Variants in RILPL1 observed in about 807,000 individuals in gnomAD.
The protein encoded by RILPL1 is RILP-like protein 1.
RILPL1 carries 33 observed loss-of-function variants against 50.3 expected under a neutral mutation model. The ratio of observed to expected loss-of-function variants is 0.66; its 90% CI spans 0.50 to 0.88. RILPL1 has a LOEUF of 0.88. Among genes scored for constraint, RILPL1 ranks in the 40% least tolerant of loss-of-function variants. RILPL1 has a pLI of 0.00. For synonymous variants in RILPL1, 205 were observed against 228.6 expected, an observed-to-expected ratio of 0.90 and a Z score of 0.93; for missense variants, 418 against 542.5, an observed-to-expected ratio of 0.77 and a Z score of 2.28.
chr12:123,528,331 C>T (rs912521029), intron 1 of RILPL1, among the ~76,000 whole-genome samples: 1 of 147,210 alleles, frequency 6.8e-6, no homozygotes, highest in South Asian at 2.2e-4. Context: ...GGCACGCCAG[C>T]CTGGGCAACA....
At chr12:123,507,591 T>C (rs1229023783) in intron 2 of RILPL1, among the ~76,000 whole-genome samples, 3 of 148,868 alleles carry the variant, frequency 2.0e-5, no homozygotes, top group African/African-American at 7.4e-5. Flanking sequence ...TGTATGTGTG[T>C]ATGTATGGGG....
intron 6 of RILPL1, among the ~76,000 whole-genome samples, chr12:123,478,314 G>A (rs2139308385): frequency 6.6e-6 from 1 of 152,114 alleles, no homozygotes; most frequent in East Asian, 1.9e-4. Context: ...TCTGTGTCTT[G>A]CTGTGCTCAC....
intron 6 of RILPL1, chr12:123,472,999 G>C (rs906119734): frequency 3.8e-6 from 1 of 264,606 alleles, no homozygotes; most frequent in Non-Finnish European, 7.4e-6. Flanking sequence ...AAAAGCTGCT[G>C]AAACAAATCT....
chr12:123,492,881 C>T (rs536461214), intron 4 of RILPL1, among the ~76,000 whole-genome samples: 73 of 152,246 alleles, frequency 4.8e-4, no homozygotes, highest in African/African-American at 1.6e-3. Flanking sequence ...CAGCATGCTC[C>T]CAGAGACACA....
At chr12:123,474,839 C>T (rs937990731) in intron 6 of RILPL1, 1 of 152,218 alleles carries the variant, frequency 6.6e-6, no homozygotes, top group Non-Finnish European at 1.5e-5. Context: ...GCTAGTGTTG[C>T]AGCCTCCAGA....
chr12:123,523,980 C>T (rs528524777), intron 1 of RILPL1, among the ~76,000 whole-genome samples: 1 of 152,360 alleles, frequency 6.6e-6, no homozygotes, highest in East Asian at 1.9e-4. Context: ...CGTTCCTAAC[C>T]TCTGGGGGGC....
At chr12:123,475,640 C>T in intron 6 of RILPL1, 1 of 1,531,842 alleles carries the variant, frequency 6.5e-7, no homozygotes, top group Non-Finnish European at 8.9e-7. Flanking sequence ...TCAAACAAAA[C>T]CCAAAACACA....
At chr12:123,516,033 CAAAAAAAAAA>C (rs749657516) in intron 2 of RILPL1, among the ~76,000 whole-genome samples, 5 of 36,174 alleles carry the variant, frequency 1.4e-4, no homozygotes, top group Non-Finnish European at 2.1e-4. Context: ...GACTCTGTCT[CAAAAAAAAAA>C]AAAAAAAAAA....
At chr12:123,511,270 GGT>G (rs1428096497) in intron 2 of RILPL1, among the ~76,000 whole-genome samples, 1 of 108,890 alleles carries the variant, frequency 9.2e-6, no homozygotes, top group African/African-American at 5.2e-5. Context: ...GTGTGTGTGT[GGT>G]GTGTGCAGTG....
intron 2 of RILPL1, among the ~76,000 whole-genome samples, chr12:123,518,042 A>G (rs13303334): frequency 0.18 from 27,660 of 152,126 alleles, 2,668 homozygotes; most frequent in Middle Eastern, 0.24. Flanking sequence ...AGAGACAGTA[A>G]GTAGAATGGT....
intron 2 of RILPL1, chr12:123,513,474 G>A (rs983822107): frequency 4.0e-6 from 1 of 248,678 alleles, no homozygotes; most frequent in Non-Finnish European, 8.6e-6. Flanking sequence ...CACCTTCCTG[G>A]GCGGCAGCCG....
chr12:123,517,225 A>C (rs1298570537), intron 2 of RILPL1, among the ~76,000 whole-genome samples: 1 of 152,138 alleles, frequency 6.6e-6, no homozygotes, highest in Non-Finnish European at 1.5e-5. Flanking sequence ...GAGGCAAGGA[A>C]GGACTCCTGC....
At chr12:123,480,934 C>T (rs1246125518) in intron 6 of RILPL1, among the ~76,000 whole-genome samples, 1 of 152,060 alleles carries the variant, frequency 6.6e-6, no homozygotes, top group Non-Finnish European at 1.5e-5. Context: ...CAGACCCGGA[C>T]GATCAATGTG....
In RILPL1 at chr12:123,471,446, A is replaced by C. The variant is rs1307809460; in HGVS notation, c.*1092T>G. ...CCTGATAAACTTGAGTGCTGGTAGG[A>C]GGTGCTACCTCGCTCAATCTGTGAG... is the stretch of plus-strand genomic sequence containing the variant. On this transcript the variant is annotated 3_prime_UTR_variant, in exon 7 of 7. Transcript: ENST00000376874. 1 of 152,204 alleles carries C rather than the reference A, an allele frequency of 6.6e-6. No homozygotes were observed. The highest frequency in any genetic ancestry group is 1.5e-5 in the Non-Finnish European group (1 of 68,066). The allele number at this position is 152,204 out of a possible 1,614,324, so 9.4% of individuals were successfully genotyped here.
At position 123,533,191 on chromosome 12, in the gene RILPL1, CCTT is replaced by C. The variant is rs1343301413; in HGVS notation, c.289_291del (p.Lys97del). ...CCGCCCACCTTCTGGTGCTTGCGCT[CCTT>C]CTCGATGCGGTCCATCCTCTCCAGG... On this transcript the variant is annotated inframe_deletion, in exon 1 of 7. Coordinates refer to ENST00000376874, the MANE Select transcript of RILPL1 (RefSeq NM_178314.5). The surrounding 1 kb of genome is among the most constrained non-coding windows in gnomAD (Gnocchi z 6.2). 3 of 1,566,020 alleles carry C rather than the reference CCTT, an allele frequency of 1.9e-6. No homozygotes were observed. Among genetic ancestry groups the C allele is most frequent in the Admixed American group, 3.5e-5 (2 of 56,674 alleles).
chr12:123,476,031 G>A (rs1881572477), intron 6 of RILPL1: 2 of 346,900 alleles, frequency 5.8e-6, no homozygotes, highest in South Asian at 6.0e-5. Flanking sequence ...AGCCTCCTGA[G>A]TGGCTAGGGA....
In RILPL1 at chr12:123,525,712, A is replaced by AG. The variant is rs1162423817; in HGVS notation, c.310-2068_310-2067insC. ...TGAGACACTGTCTCAAAAAAAAAAAAAAAAAAAAAAAAGAAACAAATGGGG... is the reference window on the plus strand; with the variant it reads ...TGAGACACTGTCTCAAAAAAAAAAAAGAAAAAAAAAAAAGAAACAAATGGGG... On this transcript the variant is annotated intron_variant, in intron 1 of 6. Transcript: ENST00000376874. Among the ~76,000 whole-genome samples the AG allele has an allele frequency of 7.4e-4, 94 of 127,756 alleles. 1 individual carries two copies. In the East Asian group the frequency reaches 0.022, roughly 30 times the overall value. 83.8% of individuals were successfully genotyped at this position (127,756 alleles called of 152,430 possible). A position where few individuals can be genotyped will look rare whatever the true frequency, so the allele number is the denominator to read the frequency against.
At position 123,533,560 on chromosome 12, in the gene RILPL1, C is replaced by CCGGGCCCAG; in HGVS notation, c.-87_-79dup. 1.1e-5 allele frequency: 14 copies of CCGGGCCCAG among 1,237,286 alleles called. No individual in the cohort carries two copies. The highest frequency in any genetic ancestry group is 1.5e-5 in the Non-Finnish European group (14 of 965,370). The allele number at this position is 1,237,286 out of a possible 1,614,324, so 76.6% of individuals were successfully genotyped here. ...TTGCCGCTGTCGAGGGCCGGGCCGG[C>CCGGGCCCAG]CGGGCCCAGCCTGGGCCGCGGGCGG... On this transcript the variant is annotated 5_prime_UTR_variant, in exon 1 of 7. Coordinates refer to ENST00000376874, the MANE Select transcript of RILPL1 (RefSeq NM_178314.5). The surrounding 1 kb of genome is among the most constrained non-coding windows in gnomAD (Gnocchi z 6.2).
chr12:123,505,039 G>T (rs1037019394), intron 2 of RILPL1, among the ~76,000 whole-genome samples: 24 of 112,464 alleles, frequency 2.1e-4, no homozygotes, highest in Non-Finnish European at 4.0e-4. Flanking sequence ...AAGTTTTTTT[G>T]TTTTTTTTTT....
Sources: gnomAD v4.1 joint callset for allele counts (sites outside exome capture counted in the v4.1 genomes callset) on GRCh38, gnomAD v4.1.1 for gene constraint, Gnocchi (gnomAD v3.1) non-coding constraint, MANE v1.5 for transcripts, NCBI Gene and HGNC (gene_info 2026-07-23, HGNC 2026-07-21) for gene names.